Variants in PSPC1 observed in about 807,000 individuals in gnomAD.
The protein encoded by PSPC1 is paraspeckle protein 1.
Under a neutral mutation model 51.6 loss-of-function variants are expected in PSPC1, and 14 were observed. The ratio of observed to expected loss-of-function variants is 0.27; its 90% CI spans 0.18 to 0.42. The LOEUF is 0.42. PSPC1 is among the 10% of genes least tolerant of loss of function. The probability of loss-of-function intolerance (pLI) is 1.00; values close to 1 mark genes in which losing one functional copy is unlikely to be tolerated. For missense variants in PSPC1, 406 were observed against 701.1 expected, an observed-to-expected ratio of 0.58 and a Z score of 4.75; for synonymous variants, 193 against 231.9, an observed-to-expected ratio of 0.83 and a Z score of 1.53.
intron 3 of PSPC1, among the ~76,000 whole-genome samples, chr13:19,755,167 T>A (rs992074546): frequency 8.0e-5 from 12 of 150,298 alleles, no homozygotes; most frequent in African/African-American, 2.9e-4. Flanking sequence ...GACCAGGAGG[T>A]AGAGGCTGCA....
intron 6 of PSPC1, among the ~76,000 whole-genome samples, chr13:19,686,237 C>CAT (rs1877862916): frequency 6.6e-6 from 1 of 152,202 alleles, no homozygotes; most frequent in Admixed American, 6.5e-5. Context: ...CATTGCTCCA[C>CAT]ATCTTGCATT....
chr13:19,717,823 C>G (rs1190133967), intron 6 of PSPC1, among the ~76,000 whole-genome samples: 1 of 151,064 alleles, frequency 6.6e-6, no homozygotes, highest in East Asian at 1.9e-4. Flanking sequence ...TTGCAGTGAG[C>G]TGAGATCGTG....
chr13:19,754,748 C>T (rs1401149270), intron 3 of PSPC1, among the ~76,000 whole-genome samples: 1 of 151,910 alleles, frequency 6.6e-6, no homozygotes, highest in South Asian at 2.1e-4. Flanking sequence ...CCATAACTAG[C>T]TCTTAAGTTT....
At chr13:19,761,090 A>C (rs1271370171) in intron 2 of PSPC1, among the ~76,000 whole-genome samples, 1 of 152,110 alleles carries the variant, frequency 6.6e-6, no homozygotes, top group African/African-American at 2.4e-5. Context: ...GGCTGCAGTG[A>C]GCTATGATAG....
At chr13:19,672,009 T>C, downstream of PSPC1, 7 of 863,262 alleles carry the variant, frequency 8.1e-6, no homozygotes, top group Admixed American at 1.1e-4. Context: ...CTGTTGTCTG[T>C]TGTAGTCTGT....
intron 6 of PSPC1, among the ~76,000 whole-genome samples, chr13:19,681,041 G>C (rs1012062840): frequency 2.0e-5 from 3 of 152,008 alleles, no homozygotes; most frequent in Non-Finnish European, 2.9e-5. Context: ...AACATAGCAA[G>C]ATGACTCTAC....
chr13:19,713,219 A>G (rs1333202331), intron 6 of PSPC1, among the ~76,000 whole-genome samples: 1 of 152,222 alleles, frequency 6.6e-6, no homozygotes, highest in Non-Finnish European at 1.5e-5. Context: ...TTACATTACA[A>G]AAAATTAAGA....
chr13:19,710,840 TA>T (rs1881303015), intron 6 of PSPC1, among the ~76,000 whole-genome samples: 1 of 84,806 alleles, frequency 1.2e-5, no homozygotes. Flanking sequence ...CTAAAAAGCT[TA>T]ATTTTTTTTT....
rs1263082774 is a variant in PSPC1, at chr13:19,732,455, A to G, written c.1053-2111T>C. 3.9e-5 allele frequency among the ~76,000 whole-genome samples: 6 copies of G among 152,304 alleles called. No individual in the cohort carries two copies. The East Asian group carries it at 1.2e-3, about 29-fold the overall frequency. On this transcript the variant is annotated intron_variant, in intron 5 of 8. Coordinates refer to ENST00000338910, the MANE Select transcript of PSPC1 (RefSeq NM_001354909.2). ...TAAAAAGAGTCAATATACTAATAAT[A>G]TACTTATATGCTCAGTGGGATCTGG...
chr13:19,750,413 C>G (rs1338606314), intron 4 of PSPC1, among the ~76,000 whole-genome samples: 1 of 150,922 alleles, frequency 6.6e-6, no homozygotes, highest in Non-Finnish European at 1.5e-5. Context: ...GCCTGGGCAA[C>G]AGAGCAAGAC....
Position 19,749,394 on chromosome 13 carries a change from C to G in PSPC1, c.967+1877G>C, listed in dbSNP as rs1481850986. Among the ~76,000 whole-genome samples, 4 of 151,538 alleles carry G rather than the reference C, an allele frequency of 2.6e-5. No homozygotes were observed. In the East Asian group the frequency reaches 7.8e-4, roughly 30 times the overall value. On this transcript the variant is annotated intron_variant, in intron 4 of 8. Coordinates refer to ENST00000338910, the MANE Select transcript of PSPC1 (RefSeq NM_001354909.2). ...AATTAGCTGGGCGTGGTAGCACGCACCTGTAGTCCCAGGGAGGGTGTACTA... is the reference window on the plus strand; with the variant it reads ...AATTAGCTGGGCGTGGTAGCACGCAGCTGTAGTCCCAGGGAGGGTGTACTA...
chr13:19,751,560 G>A (rs1010085899), intron 3 of PSPC1, 93 bp from the exon 4 acceptor site: 11 of 848,764 alleles, frequency 1.3e-5, no homozygotes, highest in Admixed American at 3.8e-5. Flanking sequence ...CCAAGACACC[G>A]TGTGAGACAC....
rs141457292 is a variant in PSPC1 at position 19,733,059 on chromosome 13, A to C, written c.1053-2715T>G. Among the ~76,000 whole-genome samples, 693 of 152,352 alleles carry C rather than the reference A, an allele frequency of 4.5e-3. 5 individuals carry two copies. The highest frequency in any genetic ancestry group is 0.027 in the South Asian group (128 of 4,826). ...ACTTCTACCACATAATTTTAAATGAACAAGCCTATTTCCAGTAAACAGAAA... is the reference window on the plus strand; with the variant it reads ...ACTTCTACCACATAATTTTAAATGACCAAGCCTATTTCCAGTAAACAGAAA... On this transcript the variant is annotated intron_variant, in intron 5 of 8. Transcript: ENST00000338910.
intron 2 of PSPC1, among the ~76,000 whole-genome samples, chr13:19,764,682 T>TTAAAAA (rs578257616): frequency 1.3e-5 from 1 of 78,246 alleles, no homozygotes; most frequent in Non-Finnish European, 2.3e-5. Context: ...GAACTTGCCT[T>TTAAAAA]AAAAAAAAAA....
rs549580134 is a variant in PSPC1, at chr13:19,757,124, C to T, written c.770+2199G>A. 1.4e-3 allele frequency among the ~76,000 whole-genome samples: 146 copies of T among 102,450 alleles called. 2 individuals carry two copies. The highest frequency in any genetic ancestry group is 4.5e-3 in the African/African-American group (142 of 31,356). The allele number at this position is 102,450 out of a possible 152,430, so 67.2% of individuals were successfully genotyped here. ...CAGCCTGGGCAATGGAGTGAGACTCCGTCTCAAAAAAAAAAAAAAAAAAGA... is the reference window on the plus strand; with the variant it reads ...CAGCCTGGGCAATGGAGTGAGACTCTGTCTCAAAAAAAAAAAAAAAAAAGA... On this transcript the variant is annotated intron_variant, in intron 3 of 8. Transcript: ENST00000338910.
chr13:19,724,623 G>A (rs528367129), intron 6 of PSPC1, among the ~76,000 whole-genome samples: 1 of 152,326 alleles, frequency 6.6e-6, no homozygotes, highest in South Asian at 2.1e-4. Flanking sequence ...GGGAAGCCAA[G>A]GTGGGCGGGT....
At chr13:19,718,286 C>G (rs1439859893) in intron 6 of PSPC1, among the ~76,000 whole-genome samples, 1 of 152,134 alleles carries the variant, frequency 6.6e-6, no homozygotes, top group Non-Finnish European at 1.5e-5. Context: ...TTTCTCCCCT[C>G]AATACATGCA....
At chr13:19,735,006 A>G (rs1884607750) in intron 5 of PSPC1, among the ~76,000 whole-genome samples, 1 of 151,140 alleles carries the variant, frequency 6.6e-6, no homozygotes, top group East Asian at 2.0e-4. Context: ...ACAAACAAAA[A>G]AAACAAAGAA....
chr13:19,691,501 G>A (rs1878540682), intron 6 of PSPC1, among the ~76,000 whole-genome samples: 1 of 152,152 alleles, frequency 6.6e-6, no homozygotes, highest in Non-Finnish European at 1.5e-5. Context: ...CAGCCTGAGT[G>A]ACAGAGTGAG....
Sources: gnomAD v4.1 joint callset for allele counts (sites outside exome capture counted in the v4.1 genomes callset) on GRCh38, gnomAD v4.1.1 for gene constraint, MANE v1.5 for transcripts, NCBI Gene and HGNC (gene_info 2026-07-23, HGNC 2026-07-21) for gene names.